The following WDR37 variants were observed in gnomAD, a reference collection of about 807,000 sequenced individuals.
The protein encoded by WDR37 is WD repeat-containing protein 37.
A neutral mutation model predicts 62.9 loss-of-function variants in WDR37; 19 were observed. The ratio of observed to expected loss-of-function variants is 0.30; its 90% CI spans 0.21 to 0.44. The LOEUF (loss-of-function observed/expected upper bound fraction) is 0.44. Ranked by LOEUF, WDR37 falls within the 20% of genes least tolerant of loss-of-function variation. The pLI is 1.00. For missense variants in WDR37, 474 were observed against 657.6 expected (o/e 0.72, Z 3.05); for synonymous variants, 250 against 260.9 (o/e 0.96, Z 0.40).
At chr10:1,124,121 G>A (rs1015859345) in intron 11 of WDR37, 97 bp from the exon 12 acceptor site, 27 of 1,553,176 alleles carry the variant, frequency 1.7e-5, no homozygotes, top group Admixed American at 3.5e-5. Context: ...GCGCTTCTCC[G>A]ACCTCCTTCC....
At chr10:1,126,822 T>C (rs1414569206) in intron 13 of WDR37, among the ~76,000 whole-genome samples, 1 of 152,242 alleles carries the variant, frequency 6.6e-6, no homozygotes, top group Non-Finnish European at 1.5e-5. Context: ...AGACCGGGTG[T>C]CTCTTCAGTC....
At chr10:1,094,129 G>C (rs1834490649) in intron 8 of WDR37, among the ~76,000 whole-genome samples, 1 of 152,194 alleles carries the variant, frequency 6.6e-6, no homozygotes, top group South Asian at 2.1e-4. Flanking sequence ...CAGTAGACCA[G>C]AGGTCCTTAT....
intron 11 of WDR37, among the ~76,000 whole-genome samples, chr10:1,107,356 T>A (rs187386329): frequency 6.6e-6 from 1 of 152,238 alleles, no homozygotes; most frequent in African/African-American, 2.4e-5. Flanking sequence ...TGAGAATTCA[T>A]TGGAAGGGCA....
intron 1 of WDR37, among the ~76,000 whole-genome samples, chr10:1,061,697 G>T (rs947723950): frequency 6.6e-6 from 1 of 152,102 alleles, no homozygotes; most frequent in African/African-American, 2.4e-5. Flanking sequence ...AAATTAGCTG[G>T]GCATGGTGTT....
chr10:1,066,139 G>A (rs540496199), intron 1 of WDR37, among the ~76,000 whole-genome samples: 4 of 151,670 alleles, frequency 2.6e-5, no homozygotes, highest in South Asian at 2.1e-4. Flanking sequence ...TTTTAGAAAC[G>A]GAGTCTTGCT....
intron 1 of WDR37, among the ~76,000 whole-genome samples, chr10:1,068,789 G>T (rs1436193460): frequency 6.6e-6 from 1 of 152,194 alleles, no homozygotes; most frequent in Non-Finnish European, 1.5e-5. Flanking sequence ...CAAGAAATTT[G>T]CACTTTAACC....
intron 1 of WDR37, among the ~76,000 whole-genome samples, chr10:1,069,391 T>TATATA (rs200599689): frequency 0.074 from 3,351 of 45,460 alleles, 65 homozygotes; most frequent in Middle Eastern, 0.12. Flanking sequence ...ATATATATAT[T>TATATA]TTTTTTTTTT....
chr10:1,073,203 T>C (rs1833776459), intron 2 of WDR37, among the ~76,000 whole-genome samples: 1 of 152,204 alleles, frequency 6.6e-6, no homozygotes, highest in African/African-American at 2.4e-5. Flanking sequence ...ATATCTAATA[T>C]ATGGTTATAT....
At chr10:1,098,786 C>G (rs750371127) in intron 9 of WDR37, among the ~76,000 whole-genome samples, 6 of 152,186 alleles carry the variant, frequency 3.9e-5, no homozygotes, top group Non-Finnish European at 7.3e-5. Context: ...GTTTTTGAAG[C>G]CTTTTGGCCT....
rs200222929 is a variant in WDR37, at chr10:1,118,743, C to CGT, written c.1104-5464_1104-5463dup. Among the ~76,000 whole-genome samples the CGT allele has an allele frequency of 9.8e-3, 1,499 of 152,190 alleles. 14 individuals are homozygous for CGT. Among genetic ancestry groups the CGT allele is most frequent in the Non-Finnish European group, 0.013 (900 of 67,998 alleles). On this transcript the variant is annotated intron_variant, in intron 11 of 13. Coordinates refer to ENST00000263150, the MANE Select transcript of WDR37 (RefSeq NM_014023.4). ...CACTTTGTAAAAAAAAAGACTATTT[C>CGT]GTGTGTGTGTGTAAGAGAGGGACAT...
At chr10:1,120,587 C>A (rs1255967952) in intron 11 of WDR37, among the ~76,000 whole-genome samples, 1 of 152,162 alleles carries the variant, frequency 6.6e-6, no homozygotes, top group Admixed American at 6.5e-5. Context: ...GTTCTCGGTA[C>A]CTTGACTGAG....
chr10:1,064,477 A>G (rs1833474923), intron 1 of WDR37, among the ~76,000 whole-genome samples: 1 of 152,124 alleles, frequency 6.6e-6, no homozygotes, highest in Admixed American at 6.5e-5. Flanking sequence ...ATAAACACAA[A>G]GATGCTAAGA....
chr10:1,088,798 T>G (rs1834287892), intron 7 of WDR37, among the ~76,000 whole-genome samples: 1 of 151,720 alleles, frequency 6.6e-6, no homozygotes, highest in Admixed American at 6.6e-5. Flanking sequence ...GGCAATTAGG[T>G]GTTCAACGCA....
chr10:1,061,561 C>G (rs1333544050), intron 1 of WDR37, among the ~76,000 whole-genome samples: 2 of 152,168 alleles, frequency 1.3e-5, no homozygotes, highest in Non-Finnish European at 2.9e-5. Flanking sequence ...TTCAGGAGGC[C>G]TGCTGTGGTG....
Position 1,121,174 on chromosome 10 carries a change from A to G in WDR37, c.1104-3044A>G, listed in dbSNP as rs1323773951. ...TTCTTTTTTCTTTTGATGTCCGACA[A>G]TACTTGTCAGGATTGTGATTTATTA... On this transcript the variant is annotated intron_variant, in intron 11 of 13. Transcript: ENST00000263150. The surrounding 1 kb of genome is among the most constrained non-coding windows in gnomAD (Gnocchi z 4.5). 6.6e-6 allele frequency among the ~76,000 whole-genome samples: 1 copy of G among 152,252 alleles called. No individual in the cohort carries two copies. The highest frequency in any genetic ancestry group is 1.5e-5 in the Non-Finnish European group (1 of 68,048).
At chr10:1,116,918 C>T (rs1835418570) in intron 11 of WDR37, among the ~76,000 whole-genome samples, 1 of 129,618 alleles carries the variant, frequency 7.7e-6, no homozygotes, top group Non-Finnish European at 1.6e-5. Context: ...GAATCCTTGT[C>T]TCTTACCAGC....
chr10:1,097,013 A>C (rs1369845072), intron 9 of WDR37, among the ~76,000 whole-genome samples: 1 of 152,202 alleles, frequency 6.6e-6, no homozygotes, highest in East Asian at 1.9e-4. Context: ...AACCGGAAGA[A>C]AGTGATCCTC....
In WDR37 at chr10:1,112,969, C is replaced by G. The variant is rs540659270; in HGVS notation, c.1103+7702C>G. 1.7e-4 allele frequency among the ~76,000 whole-genome samples: 26 copies of G among 152,346 alleles called. No individual in the cohort carries two copies. The South Asian group carries it at 5.2e-3, about 30-fold the overall frequency. On this transcript the variant is annotated intron_variant, in intron 11 of 13. Transcript: ENST00000263150. ...CAGCTGGGATCATCGATGAAGATGA[C>G]TATGTTTAATAACAGATTTTCAGTG...
At chr10:1,104,760 G>A (rs1001209583) in intron 10 of WDR37, among the ~76,000 whole-genome samples, 3 of 152,244 alleles carry the variant, frequency 2.0e-5, no homozygotes, top group African/African-American at 7.2e-5. Context: ...CTGCATGAGC[G>A]TTAAAGATTG....
Sources: gnomAD v4.1 joint callset for allele counts (sites outside exome capture counted in the v4.1 genomes callset) on GRCh38, gnomAD v4.1.1 for gene constraint, Gnocchi (gnomAD v3.1) non-coding constraint, MANE v1.5 for transcripts, NCBI Gene and HGNC (gene_info 2026-07-23, HGNC 2026-07-21) for gene names.